Variants in GRM1 observed in about 807,000 individuals in gnomAD.
GRM1 encodes glutamate metabotropic receptor 1.
A neutral mutation model predicts 90.9 loss-of-function variants in GRM1; 33 were observed. The observed-to-expected ratio is 0.36, with a 90% CI of 0.28 to 0.49. GRM1 has a LOEUF of 0.49. Among genes scored for constraint, GRM1 ranks in the 20% least tolerant of loss-of-function variants. The pLI is 0.99. For missense variants in GRM1, 1,190 were observed against 1,534.3 expected, an observed-to-expected ratio of 0.78 and a Z score of 3.75; for synonymous variants, 700 against 613.2, an observed-to-expected ratio of 1.14 and a Z score of -2.09.
chr6:146,391,824 T>C lies in GRM1; in HGVS notation c.1729+4808T>C, dbSNP rs145406530. Among the ~76,000 whole-genome samples the C allele has an allele frequency of 4.8e-3, 735 of 152,244 alleles. 3 individuals are homozygous for C. The highest frequency in any genetic ancestry group is 7.6e-3 in the Non-Finnish European group (520 of 67,992). On this transcript the variant is annotated intron_variant, in intron 6 of 7. Transcript: ENST00000282753. ...GGCATTGAAAAGCCTGGTTTCCATA[T>C]ATGAAAAAGAATCTAGCATCTTCCC...
intron 1 of GRM1, among the ~76,000 whole-genome samples, chr6:146,033,159 T>C (rs1291386991): frequency 6.6e-6 from 1 of 152,134 alleles, no homozygotes; most frequent in Non-Finnish European, 1.5e-5. Flanking sequence ...GAGGCAAATG[T>C]TAAGATGAGC....
At chr6:146,318,780 G>C (rs910207861) in intron 3 of GRM1, among the ~76,000 whole-genome samples, 2 of 151,926 alleles carry the variant, frequency 1.3e-5, no homozygotes, top group Non-Finnish European at 2.9e-5. Context: ...TTTCATGTTT[G>C]TTGGCCACAT....
At chr6:146,102,936 T>C (rs1310602727) in intron 1 of GRM1, among the ~76,000 whole-genome samples, 1 of 152,194 alleles carries the variant, frequency 6.6e-6, no homozygotes, top group Admixed American at 6.5e-5. Context: ...GACTGTGCGC[T>C]TCATTAAAGT....
At chr6:146,172,809 T>C (rs1017782447) in intron 2 of GRM1, among the ~76,000 whole-genome samples, 1 of 152,152 alleles carries the variant, frequency 6.6e-6, no homozygotes, top group Non-Finnish European at 1.5e-5. Flanking sequence ...TTTTGTCATA[T>C]TTAATGGCAT....
At chr6:146,083,261 A>G (rs1193936718) in intron 1 of GRM1, among the ~76,000 whole-genome samples, 1 of 152,204 alleles carries the variant, frequency 6.6e-6, no homozygotes, top group Non-Finnish European at 1.5e-5. Flanking sequence ...CAGAACTTCC[A>G]ATACTATGTT....
intron 6 of GRM1, among the ~76,000 whole-genome samples, chr6:146,391,144 G>GA (rs1776703357): frequency 6.6e-6 from 1 of 151,882 alleles, no homozygotes; most frequent in African/African-American, 2.4e-5. Context: ...GACCTAATTG[G>GA]AAAAAAGTCT....
intron 3 of GRM1, among the ~76,000 whole-genome samples, chr6:146,338,557 T>C (rs1784859665): frequency 6.6e-6 from 1 of 152,232 alleles, no homozygotes; most frequent in Admixed American, 6.5e-5. Flanking sequence ...CACTGTGGAC[T>C]GAACACCATC....
Position 146,437,049 on chromosome 6 carries a change from T to C in GRM1, c.*2253T>C, listed in dbSNP as rs1315285939. 3 of 152,248 alleles carry C rather than the reference T, an allele frequency of 2.0e-5. No individual in the cohort carries two copies. Among genetic ancestry groups the C allele is most frequent in the Admixed American group, 6.5e-5 (1 of 15,276 alleles). 9.4% of individuals were successfully genotyped at this position (152,248 alleles called of 1,614,324 possible). The stretch of plus-strand genomic sequence containing the variant: ...GACTGAGATGTGGACTTTGGTTCCA[T>C]GTTTTCATTGTAAGAAAGCAGAGAG... On this transcript the variant is annotated 3_prime_UTR_variant, in exon 8 of 8. Coordinates refer to ENST00000282753, the MANE Select transcript of GRM1 (RefSeq NM_001278064.2).
chr6:146,325,528 A>T (rs1330789547), intron 3 of GRM1, among the ~76,000 whole-genome samples: 2 of 152,228 alleles, frequency 1.3e-5, no homozygotes, highest in Non-Finnish European at 2.9e-5. Flanking sequence ...CTAGGAATAA[A>T]ATGGCCTCAG....
At chr6:146,425,684 G>T (rs1778176381) in intron 7 of GRM1, among the ~76,000 whole-genome samples, 1 of 152,206 alleles carries the variant, frequency 6.6e-6, no homozygotes. Flanking sequence ...ACCACCTGTA[G>T]CATGTGCTGA....
At position 146,275,684 on chromosome 6, in the gene GRM1, A is replaced by G. The variant is rs143403282; in HGVS notation, c.951-28927A>G. On this transcript the variant is annotated intron_variant, in intron 2 of 7. Transcript: ENST00000282753. ...CCTTTGTTTAAAGTTTCACTCTTTC[A>G]TAAACAAAATTCATTTTTTCTGCTC... is the stretch of plus-strand genomic sequence containing the variant. 5.6e-3 allele frequency among the ~76,000 whole-genome samples: 848 copies of G among 152,260 alleles called. 10 individuals are homozygous for G. The highest frequency in any genetic ancestry group is 0.019 in the African/African-American group (806 of 41,548).
chr6:146,101,583 C>T (rs994282934), intron 1 of GRM1, among the ~76,000 whole-genome samples: 6 of 152,104 alleles, frequency 3.9e-5, no homozygotes, highest in African/African-American at 1.4e-4. Flanking sequence ...ATTGCTTCCA[C>T]CACCACACTG....
intron 2 of GRM1, among the ~76,000 whole-genome samples, chr6:146,297,946 A>T (rs537778865): frequency 6.6e-6 from 1 of 152,142 alleles, no homozygotes; most frequent in South Asian, 2.1e-4. Flanking sequence ...AAATTACTGA[A>T]AACATACAGT....
chr6:146,231,216 G>A (rs1023792451), intron 2 of GRM1, among the ~76,000 whole-genome samples: 1 of 152,106 alleles, frequency 6.6e-6, no homozygotes, highest in East Asian at 1.9e-4. Context: ...TACCACTCTG[G>A]TGCGTGATGT....
In GRM1 at chr6:146,264,961, T is replaced by C. The variant is rs138362610; in HGVS notation, c.951-39650T>C. On this transcript the variant is annotated intron_variant, in intron 2 of 7. Coordinates refer to ENST00000282753, the MANE Select transcript of GRM1 (RefSeq NM_001278064.2). ...TTGATGAACACTTAGGTTGACTCCA[T>C]GACTTTGCTCTTGTGAACAGTGCTC... Among the ~76,000 whole-genome samples the C allele has an allele frequency of 1.8e-4, 27 of 152,318 alleles. No individual in the cohort carries two copies. In the East Asian group the frequency reaches 5.0e-3, roughly 28 times the overall value.
Position 146,434,187 on chromosome 6 carries a change from G to T in GRM1, c.2976G>T (p.Pro992=). The T allele has an allele frequency of 6.2e-7, 1 of 1,613,018 alleles. No individual in the cohort carries two copies. Among genetic ancestry groups the T allele is most frequent in the Non-Finnish European group, 8.5e-7 (1 of 1,179,202 alleles). The change falls in exon 8 of 8, where the codon CCG becomes CCT. Residue 992 remains proline (P), a synonymous_variant. Transcript: ENST00000282753. ...VPSAATTPPL[P]SHLTAEETPL... is the part of the protein sequence containing the mutation. ...GCGCGGCGACCACTCCGCCTCTGCC[G>T]TCCCACCTGACCGCAGAGGAGACCC...
chr6:146,190,736 A>G (rs1778909781), intron 2 of GRM1, among the ~76,000 whole-genome samples: 1 of 152,118 alleles, frequency 6.6e-6, no homozygotes, highest in African/African-American at 2.4e-5. Flanking sequence ...CCGTATTGCC[A>G]CTACTTCAGT....
chr6:146,405,808 A>T (rs1777327255), intron 7 of GRM1, among the ~76,000 whole-genome samples: 1 of 152,168 alleles, frequency 6.6e-6, no homozygotes, highest in South Asian at 2.1e-4. Context: ...TCTCCAAAAC[A>T]TTCTCTATTA....
chr6:146,073,585 A>C (rs979291146), intron 1 of GRM1, among the ~76,000 whole-genome samples: 4 of 152,206 alleles, frequency 2.6e-5, no homozygotes, highest in Non-Finnish European at 5.9e-5. Context: ...AAATGCAATA[A>C]ATTATAAAAT....
Sources: allele counts gnomAD v4.1 joint callset (sites outside exome capture counted in the v4.1 genomes callset), GRCh38; gene constraint gnomAD v4.1.1; transcripts MANE v1.5; gene names NCBI Gene and HGNC (gene_info 2026-07-23, HGNC 2026-07-21).